The following PCDH9 variants were observed in gnomAD, a reference collection of about 807,000 sequenced individuals.
PCDH9 encodes the protein protocadherin-9.
A neutral mutation model predicts 70.6 loss-of-function variants in PCDH9; 24 were observed. That is an observed-to-expected ratio of 0.34 (90% confidence interval 0.25 to 0.48). PCDH9 has a LOEUF of 0.48. Ranked by LOEUF, PCDH9 falls within the 20% of genes least tolerant of loss-of-function variation. PCDH9 has a pLI of 0.99. For missense variants in PCDH9, 1,281 were observed against 1,503.6 expected (o/e 0.85, Z 2.45); for synonymous variants, 562 against 558.5 (o/e 1.01, Z -0.09).
chr13:66,871,888 C>A (rs1432598297), intron 3 of PCDH9, among the ~76,000 whole-genome samples: 1 of 152,054 alleles, frequency 6.6e-6, no homozygotes, highest in Non-Finnish European at 1.5e-5. Flanking sequence ...ACTTTCATTG[C>A]ATAACAAATT....
intron 2 of PCDH9, among the ~76,000 whole-genome samples, chr13:66,951,895 G>A (rs2083188165): frequency 6.6e-6 from 1 of 152,138 alleles, no homozygotes; most frequent in Admixed American, 6.6e-5. Context: ...AAATTTCAAA[G>A]GAGAGGTGAA....
At chr13:66,753,718 C>T (rs1245807344) in intron 3 of PCDH9, among the ~76,000 whole-genome samples, 1 of 152,148 alleles carries the variant, frequency 6.6e-6, no homozygotes. Context: ...CATGTAAAAA[C>T]GTTTCAGTGC....
chr13:66,795,689 C>T (rs2080229838), intron 3 of PCDH9, among the ~76,000 whole-genome samples: 1 of 152,042 alleles, frequency 6.6e-6, no homozygotes, highest in Non-Finnish European at 1.5e-5. Context: ...TACTCATTGC[C>T]AATCAAACTA....
At chr13:66,671,397 C>G (rs187471616) in intron 3 of PCDH9, among the ~76,000 whole-genome samples, 2 of 152,238 alleles carry the variant, frequency 1.3e-5, no homozygotes, top group East Asian at 3.9e-4. Flanking sequence ...TTGGAAAGAT[C>G]AGAAGAAGAC....
intron 2 of PCDH9, among the ~76,000 whole-genome samples, chr13:66,981,824 G>T (rs2083776950): frequency 6.6e-6 from 1 of 152,094 alleles, no homozygotes; most frequent in Non-Finnish European, 1.5e-5. Flanking sequence ...GAAGAGCAAA[G>T]TTGAAAATTA....
intron 4 of PCDH9, among the ~76,000 whole-genome samples, chr13:66,494,090 A>G (rs956744590): frequency 2.0e-5 from 3 of 152,152 alleles, no homozygotes; most frequent in Non-Finnish European, 4.4e-5. Context: ...TTGAAAGAAA[A>G]CAAAATGTAA....
intron 2 of PCDH9, among the ~76,000 whole-genome samples, chr13:67,172,144 C>T (rs1356332527): frequency 1.3e-5 from 2 of 152,136 alleles, no homozygotes; most frequent in African/African-American, 4.8e-5. Flanking sequence ...CAATTGTGGT[C>T]ATGGTACTAT....
chr13:66,822,607 G>A (rs2080733380), intron 3 of PCDH9, among the ~76,000 whole-genome samples: 1 of 150,150 alleles, frequency 6.7e-6, no homozygotes, highest in Non-Finnish European at 1.5e-5. Context: ...GCTTACTGCA[G>A]CCTCTCCTCC....
intron 2 of PCDH9, among the ~76,000 whole-genome samples, chr13:67,029,093 G>C (rs1424699532): frequency 6.6e-6 from 1 of 152,090 alleles, no homozygotes; most frequent in Non-Finnish European, 1.5e-5. Flanking sequence ...GGAAAAATAT[G>C]ATCTGTTTTC....
intron 2 of PCDH9, among the ~76,000 whole-genome samples, chr13:67,164,316 T>C (rs183326576): frequency 6.6e-6 from 1 of 152,050 alleles, no homozygotes; most frequent in African/African-American, 2.4e-5. Context: ...GTGGCCCATG[T>C]CTGTAATACC....
intron 2 of PCDH9, among the ~76,000 whole-genome samples, chr13:67,019,207 T>TTC (rs1180823460): frequency 6.9e-6 from 1 of 145,970 alleles, no homozygotes; most frequent in East Asian, 2.0e-4. Flanking sequence ...TTTTTTTTTT[T>TTC]TTCTGAGATG....
At chr13:66,356,551 A>G (rs1956386065) in intron 4 of PCDH9, among the ~76,000 whole-genome samples, 3 of 151,818 alleles carry the variant, frequency 2.0e-5, no homozygotes, top group African/African-American at 7.2e-5. Context: ...TTTTCACTCC[A>G]AAAAAAATGA....
intron 3 of PCDH9, among the ~76,000 whole-genome samples, chr13:66,873,087 C>T (rs2081727457): frequency 6.6e-6 from 1 of 152,162 alleles, no homozygotes; most frequent in South Asian, 2.1e-4. Context: ...ATAAAGCATT[C>T]CTTTTCTCCC....
chr13:66,654,508 TG>T, intron 3 of PCDH9, among the ~76,000 whole-genome samples: 1 of 152,200 alleles, frequency 6.6e-6, no homozygotes, highest in African/African-American at 2.4e-5. Context: ...GATAAACACT[TG>T]AGGTGAGGGA....
intron 3 of PCDH9, among the ~76,000 whole-genome samples, chr13:66,819,722 C>T (rs1422970510): frequency 6.6e-6 from 1 of 152,040 alleles, no homozygotes; most frequent in African/African-American, 2.4e-5. Context: ...AGACTCCCAT[C>T]TTTACAAAAA....
chr13:66,825,640 CTT>C (rs2080811266), intron 3 of PCDH9, among the ~76,000 whole-genome samples: 1 of 152,112 alleles, frequency 6.6e-6, no homozygotes, highest in South Asian at 2.1e-4. Context: ...CGGCCAAAAA[CTT>C]TTAAAAACTG....
intron 3 of PCDH9, among the ~76,000 whole-genome samples, chr13:66,813,106 T>C (rs1325600112): frequency 4.6e-5 from 7 of 152,176 alleles, no homozygotes; most frequent in Admixed American, 3.3e-4. Context: ...AGGAATTGAA[T>C]CAGTGATGAT....
intron 3 of PCDH9, among the ~76,000 whole-genome samples, chr13:66,825,556 C>T (rs190456826): frequency 0.021 from 3,124 of 151,408 alleles, 127 homozygotes; most frequent in African/African-American, 0.07. Flanking sequence ...AGGATGGTCT[C>T]GATCTCCTGA....
intron 3 of PCDH9, among the ~76,000 whole-genome samples, chr13:66,781,571 A>AT (rs972545622): frequency 2.6e-5 from 4 of 152,164 alleles, no homozygotes; most frequent in Non-Finnish European, 4.4e-5. Context: ...AAAAGAATAC[A>AT]TTTTTTGGTG....
Sources: gnomAD v4.1 joint callset for allele counts (sites outside exome capture counted in the v4.1 genomes callset) on GRCh38, gnomAD v4.1.1 for gene constraint, MANE v1.5 for transcripts, NCBI Gene and HGNC (gene_info 2026-07-23, HGNC 2026-07-21) for gene names.